The following MASP2 variants were observed in gnomAD, a reference collection of about 807,000 sequenced individuals.
MASP2 encodes MBL associated serine protease 2, also known as mannan-binding lectin serine protease 2.
MASP2 carries 49 observed loss-of-function variants against 57.1 expected under a neutral mutation model. The ratio of observed to expected loss-of-function variants is 0.86; its 90% CI spans 0.68 to 1.09. The LOEUF is 1.09. Among genes scored for constraint, MASP2 ranks in the 50% least tolerant of loss-of-function variants. The probability of loss-of-function intolerance (pLI) is 0.00; values close to 1 mark genes in which losing one functional copy is unlikely to be tolerated. For missense variants in MASP2, 900 were observed against 874.8 expected (o/e 1.03, Z -0.36); for synonymous variants, 379 against 340.8 (o/e 1.11, Z -1.24).
chr1:11,043,108 C>T, intron 5 of MASP2, 86 bp from the exon 6 acceptor site: 3 of 1,464,510 alleles, frequency 2.0e-6, no homozygotes, highest in Non-Finnish European at 2.8e-6. Flanking sequence ...CTCAGCATTT[C>T]AGGGACAGCC....
At chr1:11,034,943 T>C in intron 7 of MASP2, 37 bp from the exon 8 acceptor site, 3 of 1,442,184 alleles carry the variant, frequency 2.1e-6, no homozygotes, top group Non-Finnish European at 2.9e-6. Flanking sequence ...TTTCCTTGTT[T>C]ATATCATAAA....
chr1:11,042,713 T>C (rs1333711524), intron 6 of MASP2, among the ~76,000 whole-genome samples, 162 bp downstream of exon 6: 1 of 151,956 alleles, frequency 6.6e-6, no homozygotes, highest in African/African-American at 2.4e-5. Flanking sequence ...CAGCGGGTGC[T>C]TCCCCTTAGA....
In MASP2 at chr1:11,042,840, C is replaced by T. The variant is rs757741808; in HGVS notation, c.889+35G>A. ...CACTCCAGGAGAGAGGGCAGCTCTGCGCTTCCAGCCAAGATCTGAGACCCA... is the reference window on the plus strand; with the variant it reads ...CACTCCAGGAGAGAGGGCAGCTCTGTGCTTCCAGCCAAGATCTGAGACCCA... On this transcript the variant is annotated intron_variant, in intron 6 of 10. Coordinates refer to ENST00000400897, the MANE Select transcript of MASP2 (RefSeq NM_006610.4). The T allele has an allele frequency of 1.9e-5, 31 of 1,609,502 alleles. No homozygotes were observed. The East Asian group carries it at 2.9e-4, about 15-fold the overall frequency.
chr1:11,045,487 G>A lies in MASP2; in HGVS notation c.465C>T (p.His155=). The A allele has an allele frequency of 6.2e-7, 1 of 1,612,494 alleles. No homozygotes were observed. The highest frequency in any genetic ancestry group is 8.5e-7 in the Non-Finnish European group (1 of 1,179,898). ...AGAAACCGCCCAGGTGGTTGTGGCA[G>A]TGGTGGTCGCAGGTGGGCGCCTCTC... ...APGEAPTCDH[H]CHNHLGGFYC... Residue 155 remains histidine (H), a synonymous_variant, in exon 4 of 11, where the codon CAC becomes CAT. Transcript: ENST00000400897.
Position 11,034,397 on chromosome 1 carries a change from TA to T in MASP2, c.1087+430del, listed in dbSNP as rs58086905. 8.3e-3 allele frequency among the ~76,000 whole-genome samples: 1,171 copies of T among 141,826 alleles called. 15 individuals carry two copies. The highest frequency in any genetic ancestry group is 0.027 in the African/African-American group (1,043 of 38,762). 93.0% of individuals were successfully genotyped at this position (141,826 alleles called of 152,430 possible). On this transcript the variant is annotated intron_variant, in intron 8 of 10. Coordinates refer to ENST00000400897, the MANE Select transcript of MASP2 (RefSeq NM_006610.4). ...ATTCAAGGGCTGATAAATGGATCAT[TA>T]AAAAAAAAAAACCAAGGATCCGGGC...
chr1:11,028,982 A>G (rs1219594928), intron 10 of MASP2, among the ~76,000 whole-genome samples: 4 of 122,796 alleles, frequency 3.3e-5, no homozygotes, highest in African/African-American at 1.3e-4. Context: ...CAAAGTGCTG[A>G]CTTTTTTTTT....
chr1:11,037,658 C>T (rs748528651), intron 7 of MASP2, 35 bp downstream of exon 7: 19 of 1,311,112 alleles, frequency 1.4e-5, no homozygotes, highest in Non-Finnish European at 1.8e-5. Context: ...TCAAAGCAAT[C>T]GTCATTGATC....
At chr1:11,043,231 T>C in intron 5 of MASP2, 108 bp downstream of exon 5, 1 of 1,089,012 alleles carries the variant, frequency 9.2e-7, no homozygotes, top group Non-Finnish European at 1.3e-6. Flanking sequence ...GAGGTGGGGG[T>C]CACCGAGGGT....
Position 11,046,923 on chromosome 1 carries a change from G to T in MASP2, c.202C>A (p.Leu68Ile). 6.4e-7 allele frequency: 1 copy of T among 1,572,182 alleles called. No homozygotes were observed. The highest frequency in any genetic ancestry group is 1.3e-5 in the African/African-American group (1 of 74,188). ...RLYFTHFDLELSHLCEYDFVK... is the reference protein window; with the variant it reads ...RLYFTHFDLEISHLCEYDFVK... ...AAGTCGTACTCGCAGAGGTGGGAGA[G>T]CTCCAGGTCGAAGTGGGTGAAGTAG... The change falls in exon 2 of 11, where the codon CTC becomes ATC. Residue 68 changes from leucine (L) to isoleucine (I), a missense_variant. Transcript: ENST00000400897.
chr1:11,031,634 TAGTA>T (rs1291484553), intron 8 of MASP2, among the ~76,000 whole-genome samples: 3 of 148,938 alleles, frequency 2.0e-5, no homozygotes, highest in Non-Finnish European at 1.5e-5. Flanking sequence ...AAGGACACGA[TAGTA>T]AGATTGGAGG....
chr1:11,047,079 T>C lies in MASP2; in HGVS notation c.46A>G (p.Thr16Ala). The C allele has an allele frequency of 6.5e-7, 1 of 1,548,252 alleles. No homozygotes were observed. The highest frequency in any genetic ancestry group is 8.7e-7 in the Non-Finnish European group (1 of 1,146,248). ...TCAGGCCACTTCGGGCCCAAGGGGG[T>C]GGCCACCGAGCCACACAGAAGGCCC... ...LLGLLCGSVA[T>A]PLGPKWPEPV... The change falls in exon 2 of 11, where the codon ACC becomes GCC. Residue 16 changes from threonine (T) to alanine (A), a missense_variant. Thr to Ala is a moderately conservative substitution (Grantham distance 58). Coordinates refer to ENST00000400897, the MANE Select transcript of MASP2 (RefSeq NM_006610.4).
At chr1:11,042,389 AGATGGATTG>A (rs1455864374) in intron 6 of MASP2, among the ~76,000 whole-genome samples, 1 of 140,044 alleles carries the variant, frequency 7.1e-6, no homozygotes, top group Non-Finnish European at 1.5e-5. Flanking sequence ...GTGAATGGAT[AGATGGATTG>A]GATGGATGGA....
chr1:11,027,366 G>T lies in MASP2; in HGVS notation c.1580C>A (p.Ala527Asp). 6.2e-7 allele frequency: 1 copy of T among 1,614,170 alleles called. No individual in the cohort carries two copies. Among genetic ancestry groups the T allele is most frequent in the African/African-American group, 1.3e-5 (1 of 75,042 alleles). Residue 527 changes from alanine (A) to aspartate (D), a missense_variant, in exon 11 of 11, where the codon GCT (alanine) becomes GAT (aspartate). Physicochemically the swap from Ala to Asp is moderately radical, Grantham distance 126 (BLOSUM62 -2). Transcript: ENST00000400897. ...VFIHEGYTHD[A>D]GFDNDIALIK... ...CAGTGCTATGTCATTGTCAAAGCCA[G>T]CATCATGAGTATAACCTTCATGTAT...
At chr1:11,029,331 G>C (rs936114636) in intron 10 of MASP2, among the ~76,000 whole-genome samples, 4 of 150,660 alleles carry the variant, frequency 2.7e-5, no homozygotes, top group African/African-American at 9.7e-5. Context: ...TTCTACAGAG[G>C]GGGAGGTTGC....
chr1:11,030,891 G>C lies in MASP2; in HGVS notation c.1088-9C>G. The C allele has an allele frequency of 6.2e-7, 1 of 1,611,112 alleles. No individual in the cohort carries two copies. The highest frequency in any genetic ancestry group is 8.5e-7 in the Non-Finnish European group (1 of 1,178,974). On this transcript the variant is annotated splice_polypyrimidine_tract_variant and intron_variant, in intron 8 of 10. Transcript: ENST00000400897. Reference sequence around the variant, plus strand: ...AGGGCCACAGTCAACAACTAAGAAAGAAGCATGGGAGGGAGGAATCCATTG... The same window carrying C: ...AGGGCCACAGTCAACAACTAAGAAACAAGCATGGGAGGGAGGAATCCATTG...
At position 11,030,749 on chromosome 1, in the gene MASP2, A is replaced by G. The variant is rs753280989; in HGVS notation, c.1221T>C (p.Asp407=). The G allele has an allele frequency of 6.2e-7, 1 of 1,600,680 alleles. No individual in the cohort carries two copies. The highest frequency in any genetic ancestry group is 8.5e-7 in the Non-Finnish European group (1 of 1,175,652). ...CCCAACTTTGAAGAATTTGCATACC[A>G]TCATTCACTTTCATTGTGTAGAAGG... ...EETFYTMKVN[D]GKYVCEADGF... is the part of the protein sequence containing the mutation. Residue 407 remains aspartate (D), a splice_region_variant and synonymous_variant, in exon 9 of 11, where the codon GAT becomes GAC. Coordinates refer to ENST00000400897, the MANE Select transcript of MASP2 (RefSeq NM_006610.4).
chr1:11,035,522 G>A (rs1354894294), intron 7 of MASP2, among the ~76,000 whole-genome samples: 2 of 112,644 alleles, frequency 1.8e-5, no homozygotes, highest in Admixed American at 9.5e-5. Context: ...GTGAGACCCT[G>A]TCTCAAATCA....
At chr1:11,035,026 G>A in intron 7 of MASP2, 120 bp from the exon 8 acceptor site, 3 of 657,902 alleles carry the variant, frequency 4.6e-6, no homozygotes, top group South Asian at 4.1e-5. Context: ...GAAGGGGGTG[G>A]CAGCACACAT....
In MASP2 at chr1:11,033,056, C is replaced by T. The variant is rs143960305; in HGVS notation, c.1087+1772G>A. Among the ~76,000 whole-genome samples, 239 of 152,182 alleles carry T rather than the reference C, an allele frequency of 1.6e-3. 1 individual carries two copies. Among genetic ancestry groups the T allele is most frequent in the African/African-American group, 5.5e-3 (227 of 41,510 alleles). On this transcript the variant is annotated intron_variant, in intron 8 of 10. Coordinates refer to ENST00000400897, the MANE Select transcript of MASP2 (RefSeq NM_006610.4). ...TTAGAAAAATATTGTCGGCCGGGCGCGGTGGCTCATGCGTGTAATCCCAGC... is the reference window on the plus strand; with the variant it reads ...TTAGAAAAATATTGTCGGCCGGGCGTGGTGGCTCATGCGTGTAATCCCAGC...
Sources: allele counts gnomAD v4.1 joint callset (sites outside exome capture counted in the v4.1 genomes callset), GRCh38; gene constraint gnomAD v4.1.1; transcripts MANE v1.5; gene names NCBI Gene and HGNC (gene_info 2026-07-23, HGNC 2026-07-21).